REV3L: variants seen among roughly 807,000 people sequenced by gnomAD.
REV3L encodes the protein DNA polymerase zeta catalytic subunit.
Under a neutral mutation model 299.4 loss-of-function variants are expected in REV3L, and 69 were observed. The ratio of observed to expected loss-of-function variants is 0.23; its 90% confidence interval spans 0.19 to 0.28. The LOEUF (loss-of-function observed/expected upper bound fraction) is 0.28, where lower values mean the gene tolerates loss of function less well. Among genes scored for constraint, REV3L ranks in the 10% least tolerant of loss-of-function variants. The pLI is 1.00. For synonymous variants in REV3L, 1,238 were observed against 1,271.4 expected (o/e 0.97, Z 0.56); for missense variants, 3,128 against 3,693.8 (o/e 0.85, Z 3.97).
At chr6:111,470,080 A>G (rs1791994824) in intron 1 of REV3L, among the ~76,000 whole-genome samples, 1 of 152,182 alleles carries the variant, frequency 6.6e-6, no homozygotes, top group Non-Finnish European at 1.5e-5. Flanking sequence ...CAAATACATT[A>G]ATTCAGTCCA....
intron 2 of REV3L, chr6:111,412,210 A>G (rs1784321227): frequency 1.0e-6 from 1 of 985,390 alleles, no homozygotes; most frequent in Non-Finnish European, 1.2e-6. Flanking sequence ...AACTGTGTAG[A>G]CAGGAACTTA....
chr6:111,369,420 T>C (rs1199715441), intron 13 of REV3L, among the ~76,000 whole-genome samples: 2 of 152,000 alleles, frequency 1.3e-5, no homozygotes, highest in Non-Finnish European at 2.9e-5. Context: ...AATTTTTCAG[T>C]AATCCTACTT....
chr6:111,354,348 AT>A (rs1192599716), intron 18 of REV3L, among the ~76,000 whole-genome samples: 1 of 152,142 alleles, frequency 6.6e-6, no homozygotes, highest in Non-Finnish European at 1.5e-5. Context: ...TTTAAAAAAA[AT>A]AATGTATTGA....
At chr6:111,462,105 G>A (rs1443679202) in intron 1 of REV3L, among the ~76,000 whole-genome samples, 1 of 152,134 alleles carries the variant, frequency 6.6e-6, no homozygotes, top group African/African-American at 2.4e-5. Flanking sequence ...GAAAAAATAT[G>A]TTGGGAGACA....
chr6:111,401,085 T>G (rs977842130), intron 4 of REV3L, among the ~76,000 whole-genome samples: 2 of 152,202 alleles, frequency 1.3e-5, no homozygotes, highest in Admixed American at 1.3e-4. Context: ...ATAGGTCTAT[T>G]TCTGGACTCT....
intron 4 of REV3L, among the ~76,000 whole-genome samples, chr6:111,403,926 G>C (rs139768221): frequency 4.5e-3 from 679 of 152,334 alleles, no homozygotes; most frequent in South Asian, 0.013. Context: ...CAAACGATGA[G>C]AAAGTGAAAT....
At chr6:111,432,995 AC>A (rs1432087062) in intron 1 of REV3L, among the ~76,000 whole-genome samples, 5 of 152,212 alleles carry the variant, frequency 3.3e-5, no homozygotes, top group Non-Finnish European at 7.4e-5. Context: ...ATTTCTTGAA[AC>A]CAAAGGAAAT....
At chr6:111,479,488 A>G (rs905352246) in intron 1 of REV3L, among the ~76,000 whole-genome samples, 6 of 151,000 alleles carry the variant, frequency 4.0e-5, no homozygotes, top group Non-Finnish European at 8.8e-5. Flanking sequence ...TTACCATTCA[A>G]ATCTGAATAT....
chr6:111,370,321 G>A (rs997157503), intron 13 of REV3L, among the ~76,000 whole-genome samples: 10 of 152,130 alleles, frequency 6.6e-5, no homozygotes, highest in South Asian at 2.1e-4. Context: ...GGAAACTAAC[G>A]TCTAAAGAAC....
intron 16 of REV3L, chr6:111,361,405 A>AG (rs1432263199): frequency 2.2e-5 from 3 of 139,058 alleles, no homozygotes; most frequent in Non-Finnish European, 4.7e-5. Flanking sequence ...AAAAAAACAA[A>AG]AAACACACAC....
At chr6:111,307,650 C>T in intron 30 of REV3L, 80 bp from the exon 31 acceptor site, 2 of 1,312,870 alleles carry the variant, frequency 1.5e-6, no homozygotes, top group Non-Finnish European at 2.2e-6. Flanking sequence ...TACAGGTTTA[C>T]TCAGGCATTC....
intron 21 of REV3L, among the ~76,000 whole-genome samples, chr6:111,341,926 G>C (rs940415051): frequency 2.0e-5 from 3 of 152,180 alleles, no homozygotes; most frequent in Non-Finnish European, 4.4e-5. Context: ...CAATGCCAGA[G>C]TGGAGAGACC....
chr6:111,393,047 T>G, intron 4 of REV3L, 75 bp from the exon 5 acceptor site: 1 of 1,088,734 alleles, frequency 9.2e-7, no homozygotes, highest in Non-Finnish European at 1.3e-6. Flanking sequence ...GGTAAATTTT[T>G]TTTTTTTTGA....
At chr6:111,424,621 C>G (rs1033510064) in intron 1 of REV3L, among the ~76,000 whole-genome samples, 1 of 152,172 alleles carries the variant, frequency 6.6e-6, no homozygotes, top group Non-Finnish European at 1.5e-5. Flanking sequence ...TAAAAACCAG[C>G]AGCCAGGCAG....
At chr6:111,330,112 T>A (rs1165334108) in intron 24 of REV3L, among the ~76,000 whole-genome samples, 3 of 152,182 alleles carry the variant, frequency 2.0e-5, no homozygotes, top group Non-Finnish European at 4.4e-5. Context: ...GTATCACTCA[T>A]AACCAACTCA....
At chr6:111,483,392 G>T, upstream of REV3L, 1 of 460,902 alleles carries the variant, frequency 2.2e-6, no homozygotes, top group Non-Finnish European at 3.9e-6. Context: ...CACGCGGCGA[G>T]GGAGGCGGCC....
chr6:111,324,681 A>G (rs373149911), intron 25 of REV3L, among the ~76,000 whole-genome samples: 5 of 152,224 alleles, frequency 3.3e-5, no homozygotes, highest in Non-Finnish European at 5.9e-5. Flanking sequence ...AGAAGAATTC[A>G]GCAGCACTAG....
At chr6:111,434,544 G>A (rs1320802994) in intron 1 of REV3L, among the ~76,000 whole-genome samples, 8 of 151,712 alleles carry the variant, frequency 5.3e-5, no homozygotes, top group Non-Finnish European at 8.8e-5. Flanking sequence ...GCGTGAACCC[G>A]GGAAGCGGAG....
chr6:111,480,586 A>G (rs1230666125), intron 1 of REV3L, among the ~76,000 whole-genome samples: 1 of 152,104 alleles, frequency 6.6e-6, no homozygotes, highest in Non-Finnish European at 1.5e-5. Context: ...TGTAAACTCT[A>G]AATGTATGCC....
Sources: gnomAD v4.1 joint callset for allele counts (sites outside exome capture counted in the v4.1 genomes callset) on GRCh38, gnomAD v4.1.1 for gene constraint, MANE v1.5 for transcripts, NCBI Gene and HGNC (gene_info 2026-07-23, HGNC 2026-07-21) for gene names.